The following CRLF1 variants were observed in gnomAD, a reference collection of about 807,000 sequenced individuals.
The protein encoded by CRLF1 is cytokine receptor like factor 1, also known as cytokine receptor-like factor 1.
CRLF1 carries 36 observed loss-of-function variants against 48.9 expected under a neutral mutation model. The ratio of observed to expected loss-of-function variants is 0.74; its 90% CI spans 0.56 to 0.97. The LOEUF (loss-of-function observed/expected upper bound fraction) is 0.97, where lower values mean the gene tolerates loss of function less well. CRLF1 is among the 50% of genes least tolerant of loss of function. The pLI, the probability that CRLF1 is intolerant of heterozygous loss-of-function variation, is 0.00. For missense variants in CRLF1, 534 were observed against 575.1 expected (o/e 0.93, Z 0.73); for synonymous variants, 256 against 253.4 (o/e 1.01, Z -0.10).
chr19:18,601,221 G>A (rs934716045), intron 1 of CRLF1, among the ~76,000 whole-genome samples: 1 of 151,928 alleles, frequency 6.6e-6, no homozygotes. Context: ...TTCTGTGGGG[G>A]AAGGGCACTG....
intron 8 of CRLF1, 34 bp downstream of exon 8, chr19:18,594,031 C>T: frequency 7.7e-7 from 1 of 1,299,850 alleles, no homozygotes; most frequent in South Asian, 1.3e-5. Flanking sequence ...CCTCCCCTTG[C>T]TCCCTCCCGC....
chr19:18,602,708 G>A (rs1976235609), intron 1 of CRLF1, among the ~76,000 whole-genome samples: 1 of 151,922 alleles, frequency 6.6e-6, no homozygotes, highest in African/African-American at 2.4e-5. Context: ...TATTGTTGGA[G>A]ACAATATTTT....
intron 6 of CRLF1, among the ~76,000 whole-genome samples, chr19:18,595,201 C>G (rs957562756): frequency 6.6e-6 from 1 of 152,242 alleles, no homozygotes; most frequent in Non-Finnish European, 1.5e-5. Flanking sequence ...CGGCCCCCGC[C>G]GCCCCTGCTG....
In CRLF1 at chr19:18,594,084, G is replaced by C; in HGVS notation, c.1236C>G (p.Gly412=). 2 of 1,318,044 alleles carry C rather than the reference G, an allele frequency of 1.5e-6. No individual in the cohort carries two copies. The highest frequency in any genetic ancestry group is 2.0e-6 in the Non-Finnish European group (2 of 1,010,444). The allele number at this position is 1,318,044 out of a possible 1,614,324, so 81.6% of individuals were successfully genotyped here. The change falls in exon 8 of 9, where the codon GGC becomes GGG. Residue 412 remains glycine, a synonymous_variant. Transcript: ENST00000392386. ...CCTTACCTCTCGCCGTGCCCCGTCT[G>C]CCCGAGGGCAGGATCCCCTCGTCCT... The part of the protein sequence containing the change: ...RNQDEGILPS[G]RRGTARGPAR
At position 18,599,736 on chromosome 19, in the gene CRLF1, A is replaced by G. The variant is rs137853143; in HGVS notation, c.226T>C (p.Trp76Arg). 1.2e-6 allele frequency: 2 copies of G among 1,605,588 alleles called. No homozygotes were observed. Among genetic ancestry groups the G allele is most frequent in the South Asian group, 1.1e-5 (1 of 89,942 alleles). ...GGCAGGCGGCGCCCGTTGAGGGTCC[A>G]GTAGAGGCCCTCGGCGGTGGCTCCT... is the stretch of plus-strand genomic sequence containing the variant. Reference protein sequence around the residue: ...PPGATAEGLYWTLNGRRLPPE... With the variant: ...PPGATAEGLYRTLNGRRLPPE... Residue 76 changes from tryptophan to arginine, a missense_variant, in exon 2 of 9, where the codon TGG becomes CGG. Physicochemically the swap from Trp to Arg is moderately radical, Grantham distance 101. Transcript: ENST00000392386.
chr19:18,593,668 G>C, intron 8 of CRLF1, 89 bp from the exon 9 acceptor site: 12 of 1,550,530 alleles, frequency 7.7e-6, no homozygotes, highest in Non-Finnish European at 1.0e-5. Flanking sequence ...TTCGTGTCCT[G>C]TCCCCACCGC....
At chr19:18,605,706 A>C (rs1976283615) in intron 1 of CRLF1, among the ~76,000 whole-genome samples, 1 of 152,004 alleles carries the variant, frequency 6.6e-6, no homozygotes, top group Admixed American at 6.5e-5. Context: ...GCATACGGAG[A>C]CGTATCCTTG....
chr19:18,599,958 G>A (rs1976198945), intron 1 of CRLF1, 112 bp from the exon 2 acceptor site: 1 of 1,168,302 alleles, frequency 8.6e-7, no homozygotes, highest in East Asian at 2.7e-5. Flanking sequence ...GTTAATGATT[G>A]TCCCCCATTT....
Position 18,598,912 on chromosome 19 carries a change from G to C in CRLF1, c.398-11C>G, listed in dbSNP as rs772867588. ...GTTTCTCTGGGGGCACTGGGAGAAGGGGAGGGTGCAGGAAGCAGGCTGAGG... is the reference window on the plus strand; with the variant it reads ...GTTTCTCTGGGGGCACTGGGAGAAGCGGAGGGTGCAGGAAGCAGGCTGAGG... On this transcript the variant is annotated splice_polypyrimidine_tract_variant and intron_variant, in intron 2 of 8. Coordinates refer to ENST00000392386, the MANE Select transcript of CRLF1 (RefSeq NM_004750.5). 2 of 1,613,686 alleles carry C rather than the reference G, an allele frequency of 1.2e-6. No individual in the cohort carries two copies. Among genetic ancestry groups the C allele is most frequent in the Non-Finnish European group, 1.7e-6 (2 of 1,179,884 alleles).
At chr19:18,596,571 A>T (rs1371838469) in intron 6 of CRLF1, 51 bp downstream of exon 6, 21 of 1,594,296 alleles carry the variant, frequency 1.3e-5, no homozygotes, top group Non-Finnish European at 1.7e-5. Flanking sequence ...CAGAGGCTCT[A>T]GCTGGTTTCG....
chr19:18,593,847 T>A lies in CRLF1; in HGVS notation c.1255+218A>T. 5.1e-6 allele frequency: 5 copies of A among 985,438 alleles called. No homozygotes were observed. In the South Asian group the frequency reaches 2.3e-4, roughly 46 times the overall value. 61.0% of individuals were successfully genotyped at this position (985,438 alleles called of 1,614,324 possible). ...TTCGGAGGAGATTCCACTTCGGACA[T>A]TTTCAGGGCATTGAATGTTCTTAGG... On this transcript the variant is annotated intron_variant, in intron 8 of 8. Transcript: ENST00000392386.
At chr19:18,602,564 G>A (rs1459948565) in intron 1 of CRLF1, among the ~76,000 whole-genome samples, 2 of 152,008 alleles carry the variant, frequency 1.3e-5, no homozygotes, top group African/African-American at 4.8e-5. Flanking sequence ...GCTGCAGTGA[G>A]CCATGACTGC....
intron 8 of CRLF1, 41 bp from the exon 9 acceptor site, chr19:18,593,620 G>C: frequency 6.3e-7 from 1 of 1,583,172 alleles, no homozygotes; most frequent in Non-Finnish European, 8.6e-7. Flanking sequence ...GGGAGTCCAG[G>C]AGAGGGCCGC....
At chr19:18,597,955 CCT>C (rs1976164449) in intron 4 of CRLF1, among the ~76,000 whole-genome samples, 1 of 152,104 alleles carries the variant, frequency 6.6e-6, no homozygotes, top group African/African-American at 2.4e-5. Context: ...GGCCTCTCCC[CCT>C]GAGGCCTTGG....
intron 2 of CRLF1, 113 bp downstream of exon 2, chr19:18,599,452 C>A: frequency 1.4e-6 from 2 of 1,448,112 alleles, no homozygotes; most frequent in East Asian, 2.3e-5. Context: ...CATAGCCATG[C>A]CAGTGTGCCC....
intron 6 of CRLF1, 41 bp downstream of exon 6, chr19:18,596,581 G>C: frequency 6.2e-7 from 1 of 1,607,348 alleles, no homozygotes; most frequent in Admixed American, 1.7e-5. Context: ...AGCTGGTTTC[G>C]GACTGGCCGC....
intron 4 of CRLF1, among the ~76,000 whole-genome samples, chr19:18,597,946 GC>G (rs1374639683): frequency 6.6e-6 from 1 of 151,588 alleles, no homozygotes; most frequent in African/African-American, 2.4e-5. Context: ...GGGTGAGCTG[GC>G]CTCTCCCCCT....
At chr19:18,599,158 T>C in intron 2 of CRLF1, 3 of 967,810 alleles carry the variant, frequency 3.1e-6, no homozygotes, top group Non-Finnish European at 3.7e-6. Flanking sequence ...CAGGCTGGAG[T>C]GCAATGGTGC....
At position 18,606,403 on chromosome 19, in the gene CRLF1, C is replaced by T. The variant is rs1314514219; in HGVS notation, c.115+139G>A. ...CGTGTGCCCCGCAGGTGAGGGCGCC[C>T]CGAGGGCTGCGCCGGGGGCGCCTTC... On this transcript the variant is annotated intron_variant, in intron 1 of 8. Transcript: ENST00000392386. This position sits in a 1 kb window ranked among gnomAD's most constrained non-coding sequence, Gnocchi z 4.8. 1.6e-6 allele frequency: 1 copy of T among 636,394 alleles called. No individual in the cohort carries two copies. The highest frequency in any genetic ancestry group is 2.0e-6 in the Non-Finnish European group (1 of 501,646). 39.4% of individuals were successfully genotyped at this position (636,394 alleles called of 1,614,324 possible). A position where few individuals can be genotyped will look rare whatever the true frequency, so the allele number is the denominator to read the frequency against.
Sources: gnomAD v4.1 joint callset for allele counts (sites outside exome capture counted in the v4.1 genomes callset) on GRCh38, gnomAD v4.1.1 for gene constraint, Gnocchi (gnomAD v3.1) non-coding constraint, MANE v1.5 for transcripts, NCBI Gene and HGNC (gene_info 2026-07-23, HGNC 2026-07-21) for gene names.